Variants in PCID2 observed in about 807,000 individuals in gnomAD.
PCID2 encodes the protein PCI domain containing 2, also known as PCI domain-containing protein 2.
PCID2 carries 41 observed loss-of-function variants against 61.3 expected under a neutral mutation model. That is an observed-to-expected ratio of 0.67 (90% CI 0.52 to 0.87). PCID2 has a LOEUF of 0.87. Among genes scored for constraint, PCID2 ranks in the 40% least tolerant of loss-of-function variants. The pLI, the probability that PCID2 is intolerant of heterozygous loss-of-function variation, is 0.00. For missense variants in PCID2, 392 were observed against 493.4 expected, an observed-to-expected ratio of 0.79 and a Z score of 1.95; for synonymous variants, 187 against 177.8, an observed-to-expected ratio of 1.05 and a Z score of -0.41.
At chr13:113,178,545 G>T in intron 13 of PCID2, 5 of 425,822 alleles carry the variant, frequency 1.2e-5, no homozygotes, top group Non-Finnish European at 1.7e-5. Flanking sequence ...ACGTACAGAC[G>T]CTCTTCCCTT....
chr13:113,199,569 A>T (rs2039265403), intron 2 of PCID2, among the ~76,000 whole-genome samples: 1 of 152,210 alleles, frequency 6.6e-6, no homozygotes, highest in African/African-American at 2.4e-5. Context: ...GGGGAATTTT[A>T]CAATGAAGGG....
intron 7 of PCID2, among the ~76,000 whole-genome samples, chr13:113,188,800 C>T (rs1016167450): frequency 2.0e-5 from 3 of 152,228 alleles, no homozygotes; most frequent in Non-Finnish European, 4.4e-5. Flanking sequence ...CCTTTACATA[C>T]AGCTTGCTCT....
downstream of PCID2, among the ~76,000 whole-genome samples, chr13:113,172,696 G>A (rs190260282): frequency 2.4e-4 from 37 of 152,348 alleles, no homozygotes; most frequent in African/African-American, 4.8e-4. Context: ...GCACGCCGGC[G>A]TCTCACGGGG....
At chr13:113,195,676 A>T (rs1260160400) in intron 5 of PCID2, among the ~76,000 whole-genome samples, 1 of 152,166 alleles carries the variant, frequency 6.6e-6, no homozygotes, top group Non-Finnish European at 1.5e-5. Flanking sequence ...CAAAAAAAAA[A>T]AAAGATAAAA....
chr13:113,176,518 T>G (rs2037189938), downstream of PCID2, among the ~76,000 whole-genome samples: 3 of 152,396 alleles, frequency 2.0e-5, no homozygotes, highest in African/African-American at 2.4e-5. Flanking sequence ...CCCCAGCACT[T>G]TGGGAGGCCG....
At chr13:113,169,538 C>G in the PCID2 span, among the ~76,000 whole-genome samples, 1 of 152,196 alleles carries the variant, frequency 6.6e-6, no homozygotes, top group Non-Finnish European at 1.5e-5. Flanking sequence ...TATACATACA[C>G]TTGGATATTG....
intron 1 of PCID2, chr13:113,208,009 G>A: frequency 6.2e-7 from 1 of 1,608,058 alleles, no homozygotes. Flanking sequence ...TTTTAACTGT[G>A]CTTCTGCTAC....
downstream of PCID2, among the ~76,000 whole-genome samples, chr13:113,175,354 C>T (rs1433133024): frequency 6.6e-6 from 1 of 152,196 alleles, no homozygotes; most frequent in Non-Finnish European, 1.5e-5. Flanking sequence ...CGGTTCAATA[C>T]GTTACCCAGA....
At chr13:113,182,909 T>G (rs1164748310) in intron 9 of PCID2, among the ~76,000 whole-genome samples, 2 of 152,178 alleles carry the variant, frequency 1.3e-5, no homozygotes, top group African/African-American at 4.8e-5. Context: ...TAGAGGGGTA[T>G]AAATCTCTGA....
chr13:113,174,289 T>G (rs572620133), downstream of PCID2, among the ~76,000 whole-genome samples: 26 of 149,760 alleles, frequency 1.7e-4, no homozygotes, highest in African/African-American at 5.6e-4. Flanking sequence ...GCAAAGCATA[T>G]GAAGACCCTC....
intron 4 of PCID2, among the ~76,000 whole-genome samples, chr13:113,196,769 T>C (rs2039047434): frequency 6.6e-6 from 1 of 152,248 alleles, no homozygotes; most frequent in African/African-American, 2.4e-5. Flanking sequence ...ATTGGTTTGA[T>C]TTAAGGTCTT....
At position 113,181,217 on chromosome 13, in the gene PCID2, C is replaced by T. The variant is rs781530815; in HGVS notation, c.699G>A (p.Leu233=). 4 of 1,612,084 alleles carry T rather than the reference C, an allele frequency of 2.5e-6. No individual in the cohort carries two copies. The East Asian group carries it at 6.7e-5, about 27-fold the overall frequency. Residue 233 remains leucine (L), a synonymous_variant, in exon 10 of 14, where the codon CTG becomes CTA. Coordinates refer to ENST00000337344, the MANE Select transcript of PCID2 (RefSeq NM_001127202.4). ...GGTGACAATGCTCAAAGGCAAATGACAGGTACTCCTCAGCTGCAAAGAAGG... is the reference window on the plus strand; with the variant it reads ...GGTGACAATGCTCAAAGGCAAATGATAGGTACTCCTCAGCTGCAAAGAAGG... ...DSDFKQAEEY[L]SFAFEHCHRS...
chr13:113,179,189 TA>T lies in PCID2; in HGVS notation c.987-101del. 2 of 960,552 alleles carry T rather than the reference TA, an allele frequency of 2.1e-6. No homozygotes were observed. Among genetic ancestry groups the T allele is most frequent in the Non-Finnish European group, 3.0e-6 (2 of 660,194 alleles). The allele number at this position is 960,552 out of a possible 1,614,324, so 59.5% of individuals were successfully genotyped here. On this transcript the variant is annotated intron_variant, in intron 12 of 13. Transcript: ENST00000337344. The surrounding 1 kb of genome is among the most constrained non-coding windows in gnomAD (Gnocchi z 4.3). The stretch of plus-strand genomic sequence containing the variant: ...TTAATAAGCCGGTGTTCTAAAGGAG[TA>T]AAAAAATTCCCACCTATTAGATAAA...
Position 113,178,204 on chromosome 13 carries a change from C to T in PCID2, c.1194G>A (p.Val398=). 6.2e-7 allele frequency: 1 copy of T among 1,612,746 alleles called. No homozygotes were observed. The highest frequency in any genetic ancestry group is 8.5e-7 in the Non-Finnish European group (1 of 1,178,864). The change falls in exon 14 of 14, where the codon GTG becomes GTA. Residue 398 remains valine, a synonymous_variant. Coordinates refer to ENST00000337344, the MANE Select transcript of PCID2 (RefSeq NM_001127202.4). ...KQNPFPPLST[V]C ...CTCGGGGCTCCGTGTACTTTCAACACACCGTGGACAGGGGAGGAAATGGGT... is the reference window on the plus strand; with the variant it reads ...CTCGGGGCTCCGTGTACTTTCAACATACCGTGGACAGGGGAGGAAATGGGT...
At chr13:113,200,679 T>A in intron 1 of PCID2, 163 bp from the exon 2 acceptor site, 1 of 439,678 alleles carries the variant, frequency 2.3e-6, no homozygotes, top group Non-Finnish European at 4.1e-6. Flanking sequence ...CTCTCTGCAG[T>A]GGGTAAACAA....
chr13:113,184,087 C>T (rs1363449281), intron 9 of PCID2: 3 of 860,642 alleles, frequency 3.5e-6, no homozygotes, highest in Non-Finnish European at 4.2e-6. Flanking sequence ...ATTCTGAGAA[C>T]AGTCATGCTC....
intron 1 of PCID2, among the ~76,000 whole-genome samples, chr13:113,206,599 T>C (rs963587613): frequency 5.3e-5 from 8 of 152,256 alleles, no homozygotes; most frequent in Non-Finnish European, 1.0e-4. Flanking sequence ...CTTATGTTCC[T>C]ATACAACAAA....
chr13:113,170,318 T>TGGGGGG, the PCID2 span: 1 of 597,558 alleles, frequency 1.7e-6, no homozygotes, highest in Non-Finnish European at 2.9e-6. Context: ...GGGGTGGGGG[T>TGGGGGG]GGGGGGGTGG....
In PCID2 at chr13:113,203,711, G is replaced by A. The variant is rs775607860; in HGVS notation, c.37-3195C>T. 6.6e-5 allele frequency among the ~76,000 whole-genome samples: 10 copies of A among 152,208 alleles called. No individual in the cohort carries two copies. In the South Asian group the frequency reaches 1.0e-3, roughly 16 times the overall value. On this transcript the variant is annotated intron_variant, in intron 1 of 13. Transcript: ENST00000337344. ...CAAAGGGGCCTCCTCTGGCTCCCTC[G>A]AGACCATCTGACCAGGTGCAATGGA...
Sources: allele counts gnomAD v4.1 joint callset (sites outside exome capture counted in the v4.1 genomes callset), GRCh38; gene constraint gnomAD v4.1.1; non-coding constraint Gnocchi (gnomAD v3.1); transcripts MANE v1.5; gene names NCBI Gene and HGNC (gene_info 2026-07-23, HGNC 2026-07-21).